Variants in MIEF2 observed in about 807,000 individuals in gnomAD.
MIEF2 encodes mitochondrial elongation factor 2.
MIEF2 carries 1 observed loss-of-function variant against 7.4 expected under a neutral mutation model. The observed-to-expected ratio is 0.14, with a 90% CI of 0.05 to 0.64. The LOEUF is 0.64. Among genes scored for constraint, MIEF2 ranks in the 30% least tolerant of loss-of-function variants. MIEF2 has a pLI of 0.85. For missense variants in MIEF2, 569 were observed against 623.9 expected, an observed-to-expected ratio of 0.91 and a Z score of 0.94; for synonymous variants, 275 against 290.5, an observed-to-expected ratio of 0.95 and a Z score of 0.54.
In MIEF2 at chr17:18,263,827, C is replaced by G. The variant is rs1229191021; in HGVS notation, c.428C>G (p.Ala143Gly). The G allele has an allele frequency of 3.7e-6, 6 of 1,608,050 alleles. No homozygotes were observed. The highest frequency in any genetic ancestry group is 5.1e-6 in the Non-Finnish European group (6 of 1,179,990). The change falls in exon 4 of 4, where the codon GCA becomes GGA. Residue 143 changes from alanine (A) to glycine (G), a missense_variant. Ala to Gly is a moderately conservative substitution (Grantham distance 60). Coordinates refer to ENST00000323019, the MANE Select transcript of MIEF2 (RefSeq NM_139162.4). ...AFERDRVTIPAAQVALAKQLA... is the reference protein window; with the variant it reads ...AFERDRVTIPGAQVALAKQLA... ...GAGCGGGACCGTGTGACCATCCCAG[C>G]AGCCCAGGTGGCTTTGGCCAAACAG...
rs548253073 is a variant in MIEF2, at chr17:18,264,254, G to A, written c.855G>A (p.Ser285=). The A allele has an allele frequency of 2.1e-5, 34 of 1,605,252 alleles. No homozygotes were observed. Among genetic ancestry groups the A allele is most frequent in the South Asian group, 1.1e-4 (10 of 91,080 alleles). ...LGCLIRPSMA[S]EELLLEVQHE... ...GCCTGATCCGGCCCAGCATGGCCTC[G>A]GAGGAGCTGCTGCTCGAGGTGCAGC... is the stretch of plus-strand genomic sequence containing the variant. The change falls in exon 4 of 4, where the codon TCG becomes TCA. Residue 285 remains serine, a synonymous_variant. Coordinates refer to ENST00000323019, the MANE Select transcript of MIEF2 (RefSeq NM_139162.4).
In MIEF2 at chr17:18,262,597, A is replaced by G. The variant is rs530320381; in HGVS notation, c.-7-117A>G. ...GAGAAATTCTCAGAAAGCCCCCCTC[A>G]TGGGCTCAGCTCTGTTACCCAGCAT... On this transcript the variant is annotated intron_variant, in intron 1 of 3. Coordinates refer to ENST00000323019, the MANE Select transcript of MIEF2 (RefSeq NM_139162.4). The G allele has an allele frequency of 1.4e-4, 141 of 974,868 alleles. 1 individual carries two copies. Among genetic ancestry groups the G allele is most frequent in the Admixed American group, 1.1e-3 (29 of 27,432 alleles). 60.4% of individuals were successfully genotyped at this position (974,868 alleles called of 1,614,324 possible). A position where few individuals can be genotyped will look rare whatever the true frequency, so the allele number is the denominator to read the frequency against.
chr17:18,262,788 TC>T lies in MIEF2; in HGVS notation c.70del (p.Leu24SerfsTer24). 1 of 1,595,648 alleles carries T rather than the reference TC, an allele frequency of 6.3e-7. No homozygotes were observed. The highest frequency in any genetic ancestry group is 8.5e-7 in the Non-Finnish European group (1 of 1,171,014). ...GAAGGGCTGGGCAGCATGGTGGACTTCCTCCTGGCCAATGCCCGCCTGGTGC... is the reference window on the plus strand; with the variant it reads ...GAAGGGCTGGGCAGCATGGTGGACTTCTCCTGGCCAATGCCCGCCTGGTGC... ...SDEGLGSMVDFLLANARLVLG... is the reference protein window; with the variant it reads ...SDEGLGSMVDXLLANARLVLG... On this transcript the variant is annotated frameshift_variant, in exon 2 of 4. Transcript: ENST00000323019. LOFTEE classifies it high-confidence loss of function.
chr17:18,260,745 T>C lies in MIEF2; in HGVS notation c.-8+8T>C, dbSNP rs1978352025. The C allele has an allele frequency of 8.1e-6, 2 of 247,698 alleles. No homozygotes were observed. Among genetic ancestry groups the C allele is most frequent in the Non-Finnish European group, 7.9e-6 (1 of 126,350 alleles). 15.3% of individuals were successfully genotyped at this position (247,698 alleles called of 1,614,324 possible). The stretch of plus-strand genomic sequence containing the variant: ...GCGGAAGCTGCGACGCAGGTACAGC[T>C]GGAGCGCGGCGGGGCGGCCCCCAGG... On this transcript the variant is annotated splice_region_variant and intron_variant, in intron 1 of 3. Transcript: ENST00000323019.
chr17:18,263,396 T>G (rs765116356), intron 3 of MIEF2, 148 bp downstream of exon 3: 1 of 1,180,020 alleles, frequency 8.5e-7, no homozygotes, highest in Admixed American at 1.9e-5. Context: ...GGTGTTTCTT[T>G]GCCCTGTTCC....
In MIEF2 at chr17:18,264,490, G is replaced by A; in HGVS notation, c.1091G>A (p.Cys364Tyr). 1 of 1,606,878 alleles carries A rather than the reference G, an allele frequency of 6.2e-7. No individual in the cohort carries two copies. Among genetic ancestry groups the A allele is most frequent in the Non-Finnish European group, 8.5e-7 (1 of 1,179,878 alleles). ...CTGCTGCTGCTGCTGTGTGCTGTCT[G>A]CCGTGGTTGCTCGGCTCTGGGGCAG... is the stretch of plus-strand genomic sequence containing the variant. The part of the protein sequence containing the change: ...RRLLLLLCAV[C>Y]RGCSALGQLG... Residue 364 changes from cysteine (C) to tyrosine (Y), a missense_variant, in exon 4 of 4, where the codon TGC (cysteine) becomes TAC (tyrosine). Transcript: ENST00000323019.
In MIEF2 at chr17:18,263,242, G is replaced by A. The variant is rs1331756453; in HGVS notation, c.304G>A (p.Ala102Thr). Reference protein sequence around the residue: ...PVLPLAPSSSAPEGPAETDPE... With the variant: ...PVLPLAPSSSTPEGPAETDPE... ...GTTGCCCTTGGCCCCCTCGTCGTCT[G>A]CCCCAGGTGAGTGGCACTCCTTCCC... Residue 102 changes from alanine to threonine, a missense_variant, in exon 3 of 4, where the codon GCC becomes ACC. Transcript: ENST00000323019. The A allele has an allele frequency of 6.2e-7, 1 of 1,613,854 alleles. No individual in the cohort carries two copies. The highest frequency in any genetic ancestry group is 1.1e-5 in the South Asian group (1 of 91,078).
In MIEF2 at chr17:18,266,281, G is replaced by A. The variant is rs1214527225; in HGVS notation, c.*1517G>A. On this transcript the variant is annotated 3_prime_UTR_variant, in exon 4 of 4. Transcript: ENST00000323019. ...AATCCCAGCACTTTGGGAAGCCGAG[G>A]CCGGTAGATCACCTGAGGTTGGGAA... is the stretch of plus-strand genomic sequence containing the variant. 3 of 152,320 alleles carry A rather than the reference G, an allele frequency of 2.0e-5. No homozygotes were observed. The highest frequency in any genetic ancestry group is 1.9e-4 in the East Asian group (1 of 5,184). The allele number at this position is 152,320 out of a possible 1,614,324, so 9.4% of individuals were successfully genotyped here. A position where few individuals can be genotyped will look rare whatever the true frequency, so the allele number is the denominator to read the frequency against.
At position 18,264,508 on chromosome 17, in the gene MIEF2, TG is replaced by T; in HGVS notation, c.1113del (p.Gln372SerfsTer2). On this transcript the variant is annotated frameshift_variant, in exon 4 of 4. Transcript: ENST00000323019. LOFTEE classifies it low-confidence loss of function (END_TRUNC). ...GCTGTCTGCCGTGGTTGCTCGGCTCTGGGGCAGCTAGGCCGGGGTCACCTGA... is the reference window on the plus strand; with the variant it reads ...GCTGTCTGCCGTGGTTGCTCGGCTCTGGGCAGCTAGGCCGGGGTCACCTGA... ...LCAVCRGCSA[L>X]GQLGRGHLTQ... The T allele has an allele frequency of 6.2e-7, 1 of 1,608,812 alleles. No individual in the cohort carries two copies.
chr17:18,263,441 CT>C, intron 3 of MIEF2, 193 bp downstream of exon 3: 1 of 928,718 alleles, frequency 1.1e-6, no homozygotes, highest in Non-Finnish European at 1.7e-6. Flanking sequence ...TGGTGGGGAG[CT>C]TTAGATGGGG....
chr17:18,264,569 G>T lies in MIEF2; in HGVS notation c.1170G>T (p.Val390=). 1 of 1,610,908 alleles carries T rather than the reference G, an allele frequency of 6.2e-7. No individual in the cohort carries two copies. ...QVVLRLGEDN[V]DWTEEALGER... is the part of the protein sequence containing the mutation. ...TCCTGCGTCTGGGGGAGGACAACGT[G>T]GATTGGACGGAGGAGGCCTTGGGTG... The change falls in exon 4 of 4, where the codon GTG becomes GTT. Residue 390 remains valine, a synonymous_variant. Coordinates refer to ENST00000323019, the MANE Select transcript of MIEF2 (RefSeq NM_139162.4).
rs1216738312 is a variant in MIEF2, at chr17:18,262,834, T to A, written c.114T>A (p.Ala38=). Residue 38 remains alanine (A), a synonymous_variant, in exon 2 of 4, where the codon GCT becomes GCA. Coordinates refer to ENST00000323019, the MANE Select transcript of MIEF2 (RefSeq NM_139162.4). ...ARLVLGVGGA[A]VLGIATLAVK... ...TGGTGCTGGGCGTGGGCGGGGCTGCTGTGCTGGGCATTGCCACCCTGGCCG... is the reference window on the plus strand; with the variant it reads ...TGGTGCTGGGCGTGGGCGGGGCTGCAGTGCTGGGCATTGCCACCCTGGCCG... 1 of 1,551,932 alleles carries A rather than the reference T, an allele frequency of 6.4e-7. No individual in the cohort carries two copies.
rs558034654 is a variant in MIEF2 at position 18,266,245 on chromosome 17, C to T, written c.*1481C>T. ...TAAGCATCTTGGCCCCGCGCTGTGG[C>T]TCACGCCTATAATCCCAGCACTTTG... is the stretch of plus-strand genomic sequence containing the variant. On this transcript the variant is annotated 3_prime_UTR_variant, in exon 4 of 4. Coordinates refer to ENST00000323019, the MANE Select transcript of MIEF2 (RefSeq NM_139162.4). The T allele has an allele frequency of 3.3e-5, 5 of 152,330 alleles. No individual in the cohort carries two copies. The highest frequency in any genetic ancestry group is 2.0e-4 in the Admixed American group (3 of 15,298). The allele number at this position is 152,330 out of a possible 1,614,324, so 9.4% of individuals were successfully genotyped here.
Position 18,264,971 on chromosome 17 carries a change from G to A in MIEF2, c.*207G>A. The A allele has an allele frequency of 1.1e-6, 1 of 894,846 alleles. No individual in the cohort carries two copies. Among genetic ancestry groups the A allele is most frequent in the Non-Finnish European group, 1.6e-6 (1 of 627,176 alleles). 55.4% of individuals were successfully genotyped at this position (894,846 alleles called of 1,614,324 possible). A position where few individuals can be genotyped will look rare whatever the true frequency, so the allele number is the denominator to read the frequency against. On this transcript the variant is annotated 3_prime_UTR_variant, in exon 4 of 4. Coordinates refer to ENST00000323019, the MANE Select transcript of MIEF2 (RefSeq NM_139162.4). ...GAGCTTGGGTCACTGTCACCTGAGTGCAGCTGGGCTGCCTCAGGCAGCTTG... is the reference window on the plus strand; with the variant it reads ...GAGCTTGGGTCACTGTCACCTGAGTACAGCTGGGCTGCCTCAGGCAGCTTG...
chr17:18,261,026 G>A lies in MIEF2; in HGVS notation c.-8+289G>A, dbSNP rs1597936217. Reference sequence around the variant, plus strand: ...TTGGCGGAGGAGGGAAGGCCAAACGGCCTCCAGGGCCCCGCTGCGCAAACT... The same window carrying A: ...TTGGCGGAGGAGGGAAGGCCAAACGACCTCCAGGGCCCCGCTGCGCAAACT... On this transcript the variant is annotated intron_variant, in intron 1 of 3. Transcript: ENST00000323019. 42 of 1,390,702 alleles carry A rather than the reference G, an allele frequency of 3.0e-5. No homozygotes were observed. In the South Asian group the frequency reaches 3.9e-4, roughly 13 times the overall value. 86.1% of individuals were successfully genotyped at this position (1,390,702 alleles called of 1,614,324 possible).
intron 2 of MIEF2, 102 bp from the exon 3 acceptor site, chr17:18,262,984 G>A (rs1978497966): frequency 6.5e-7 from 1 of 1,550,144 alleles, no homozygotes; most frequent in Non-Finnish European, 8.7e-7. Context: ...TGGGAGCCCA[G>A]GGCACCTGCT....
intron 1 of MIEF2, 141 bp from the exon 2 acceptor site, chr17:18,262,573 A>T: frequency 1.3e-6 from 1 of 755,076 alleles, no homozygotes; most frequent in Non-Finnish European, 1.9e-6. Flanking sequence ...CCTTTCTCTG[A>T]GAAATTCTCA....
intron 1 of MIEF2, 106 bp from the exon 2 acceptor site, chr17:18,262,608 T>C (rs1978470499): frequency 9.0e-7 from 1 of 1,106,772 alleles, no homozygotes; most frequent in East Asian, 2.9e-5. Flanking sequence ...TGGGCTCAGC[T>C]CTGTTACCCA....
chr17:18,260,910 C>T (rs898449597), intron 1 of MIEF2, among the ~76,000 whole-genome samples, 173 bp downstream of exon 1: 8 of 152,206 alleles, frequency 5.3e-5, no homozygotes, highest in Non-Finnish European at 1.0e-4. Context: ...CTTCCCCTCT[C>T]GGTCTCTTGG....
Sources: allele counts gnomAD v4.1 joint callset (sites outside exome capture counted in the v4.1 genomes callset), GRCh38; gene constraint gnomAD v4.1.1; transcripts MANE v1.5; gene names NCBI Gene and HGNC (gene_info 2026-07-23, HGNC 2026-07-21).